Variants in PRR16 observed in about 807,000 individuals in gnomAD.
PRR16 encodes the protein protein Largen.
A neutral mutation model predicts 18.2 loss-of-function variants in PRR16; 6 were observed. The observed-to-expected ratio is 0.33, with a 90% CI of 0.18 to 0.65. The LOEUF is 0.65. PRR16 is among the 30% of genes least tolerant of loss of function. PRR16 has a pLI of 0.74. For missense variants in PRR16, 412 were observed against 376.6 expected (o/e 1.09, Z -0.78); for synonymous variants, 151 against 147.8 (o/e 1.02, Z -0.16).
At chr5:120,624,331 G>T (rs1371109822) in intron 1 of PRR16, among the ~76,000 whole-genome samples, 4 of 152,182 alleles carry the variant, frequency 2.6e-5, no homozygotes, top group Non-Finnish European at 4.4e-5. Context: ...ATTTGAAAGA[G>T]ACCTCTTCCT....
At chr5:120,571,002 T>C (rs188592048) in intron 1 of PRR16, among the ~76,000 whole-genome samples, 43 of 152,244 alleles carry the variant, frequency 2.8e-4, no homozygotes, top group Non-Finnish European at 7.4e-5. Flanking sequence ...TAGGCCAAGC[T>C]GGAATGGGGT....
At chr5:120,538,464 T>G (rs747823947) in intron 1 of PRR16, among the ~76,000 whole-genome samples, 7 of 152,196 alleles carry the variant, frequency 4.6e-5, no homozygotes, top group African/African-American at 9.6e-5. Flanking sequence ...GTTGTTAAAA[T>G]ACATGTAATT....
the PRR16 span, among the ~76,000 whole-genome samples, chr5:120,704,168 A>G: frequency 1.3e-5 from 2 of 152,198 alleles, no homozygotes; most frequent in Non-Finnish European, 2.9e-5. Flanking sequence ...GGGTATGGGA[A>G]ACAAAAATTT....
At chr5:120,507,727 C>T (rs9327145) in intron 1 of PRR16, among the ~76,000 whole-genome samples, 45,044 of 151,738 alleles carry the variant, frequency 0.3, 7,796 homozygotes, top group African/African-American at 0.48. Flanking sequence ...GGAAAAGGCA[C>T]GCTAGTTAAC....
In PRR16 at chr5:120,505,763, C is replaced by T. The variant is rs938186939; in HGVS notation, c.159+41118C>T. Among the ~76,000 whole-genome samples the T allele has an allele frequency of 5.3e-5, 8 of 151,694 alleles. No homozygotes were observed. In the East Asian group the frequency reaches 1.3e-3, roughly 26 times the overall value. On this transcript the variant is annotated intron_variant, in intron 1 of 1. Transcript: ENST00000407149. The stretch of plus-strand genomic sequence containing the variant: ...AAAAGCTATAAAACAAATAAATTTT[C>T]ATGAATTATTTAGCATGTCTACTTT...
the PRR16 span, among the ~76,000 whole-genome samples, chr5:120,753,320 C>A: frequency 6.6e-6 from 1 of 151,966 alleles, no homozygotes; most frequent in East Asian, 1.9e-4. Flanking sequence ...AATAAGACCA[C>A]AGGAGGTTAA....
chr5:120,602,506 G>A (rs923988846), intron 1 of PRR16, among the ~76,000 whole-genome samples: 1 of 152,058 alleles, frequency 6.6e-6, no homozygotes, highest in Admixed American at 6.6e-5. Context: ...TATATCATTA[G>A]CAAAGAGAGA....
chr5:120,677,786 A>T (rs1756846560), intron 1 of PRR16, among the ~76,000 whole-genome samples: 1 of 152,084 alleles, frequency 6.6e-6, no homozygotes, highest in African/African-American at 2.4e-5. Flanking sequence ...TTATTAAAAA[A>T]GTAAGATTTA....
intron 1 of PRR16, among the ~76,000 whole-genome samples, chr5:120,498,573 G>T (rs141831900): frequency 8.6e-5 from 13 of 151,698 alleles, no homozygotes; most frequent in African/African-American, 2.9e-4. Context: ...GAAAGCTCAA[G>T]AGGAAAGGAA....
At chr5:120,547,020 A>G (rs932331951) in intron 1 of PRR16, among the ~76,000 whole-genome samples, 2 of 152,210 alleles carry the variant, frequency 1.3e-5, no homozygotes, top group South Asian at 4.1e-4. Context: ...TGCTGGAAGT[A>G]TAAAAGGTAA....
At chr5:120,652,331 A>T (rs908842857) in intron 1 of PRR16, among the ~76,000 whole-genome samples, 6 of 152,058 alleles carry the variant, frequency 3.9e-5, no homozygotes, top group Non-Finnish European at 7.4e-5. Context: ...AGCAGTCATG[A>T]TATACTTTGG....
At chr5:120,646,251 A>T (rs888910559) in intron 1 of PRR16, among the ~76,000 whole-genome samples, 6 of 151,784 alleles carry the variant, frequency 4.0e-5, no homozygotes, top group African/African-American at 9.7e-5. Flanking sequence ...TCTTACATCT[A>T]TCATATCTAT....
intron 1 of PRR16, among the ~76,000 whole-genome samples, chr5:120,586,767 A>G (rs1608667): frequency 0.014 from 2,148 of 152,200 alleles, 45 homozygotes; most frequent in African/African-American, 0.049. Context: ...TAATATTGAA[A>G]TTTGACCAGT....
In PRR16 at chr5:120,491,625, C is replaced by T. The variant is rs150344269; in HGVS notation, c.159+26980C>T. Reference sequence around the variant, plus strand: ...GTGGTGTAATCTTGGCTCACTGCAACCTCTGCCTCTCAGGTTCAAGCGATT... The same window carrying T: ...GTGGTGTAATCTTGGCTCACTGCAATCTCTGCCTCTCAGGTTCAAGCGATT... On this transcript the variant is annotated intron_variant, in intron 1 of 1. Transcript: ENST00000407149. Among the ~76,000 whole-genome samples, 524 of 152,138 alleles carry T rather than the reference C, an allele frequency of 3.4e-3. 3 individuals carry two copies. Among genetic ancestry groups the T allele is most frequent in the African/African-American group, 0.012 (501 of 41,510 alleles).
chr5:120,591,218 G>C (rs1047905887), intron 1 of PRR16, among the ~76,000 whole-genome samples: 2 of 152,062 alleles, frequency 1.3e-5, no homozygotes, highest in African/African-American at 4.8e-5. Flanking sequence ...GGTGGAGGTT[G>C]CAGTGAGCCG....
the PRR16 span, among the ~76,000 whole-genome samples, chr5:120,709,292 C>T: frequency 9.9e-5 from 15 of 152,074 alleles, no homozygotes; most frequent in East Asian, 2.5e-3. Context: ...CAGGTGTGAG[C>T]CACCGCACCC....
chr5:120,584,833 C>G (rs1470232786), intron 1 of PRR16, among the ~76,000 whole-genome samples: 1 of 152,130 alleles, frequency 6.6e-6, no homozygotes, highest in African/African-American at 2.4e-5. Flanking sequence ...ATGCTACTTT[C>G]ATATGTTATC....
intron 1 of PRR16, among the ~76,000 whole-genome samples, chr5:120,537,021 A>G (rs1388627247): frequency 6.6e-6 from 1 of 152,176 alleles, no homozygotes; most frequent in African/African-American, 2.4e-5. Context: ...AGGAGGGAAC[A>G]ATACACTGGA....
chr5:120,791,584 C>CATCT, the PRR16 span, among the ~76,000 whole-genome samples: 34,371 of 127,138 alleles, frequency 0.27, 4,083 homozygotes, highest in Non-Finnish European at 0.31. Flanking sequence ...GAACTTCTAT[C>CATCT]ATCTATCTAT....
Sources: gnomAD v4.1 joint callset for allele counts (sites outside exome capture counted in the v4.1 genomes callset) on GRCh38, gnomAD v4.1.1 for gene constraint, MANE v1.5 for transcripts, NCBI Gene and HGNC (gene_info 2026-07-23, HGNC 2026-07-21) for gene names.